Variants in CDH13 observed in about 807,000 individuals in gnomAD.
The protein encoded by CDH13 is cadherin-13.
Under a neutral mutation model 63.8 loss-of-function variants are expected in CDH13, and 24 were observed. The observed-to-expected ratio is 0.38, with a 90% CI of 0.27 to 0.53. CDH13 has a LOEUF of 0.53. CDH13 is among the 20% of genes least tolerant of loss of function. The pLI is 0.85. For missense variants in CDH13, 1,049 were observed against 903.1 expected (o/e 1.16, Z -2.07); for synonymous variants, 503 against 355.3 (o/e 1.42, Z -4.67).
At chr16:83,695,623 T>C (rs748521651) in intron 10 of CDH13, among the ~76,000 whole-genome samples, 7 of 152,144 alleles carry the variant, frequency 4.6e-5, no homozygotes, top group Non-Finnish European at 5.9e-5. Flanking sequence ...AACAAATAAC[T>C]AGAATATAAA....
intron 2 of CDH13, among the ~76,000 whole-genome samples, chr16:82,978,835 G>GA (rs1909875034): frequency 1.3e-5 from 2 of 152,156 alleles, no homozygotes; most frequent in East Asian, 3.9e-4. Flanking sequence ...GGAGCTGTGA[G>GA]AAGAGGGTCA....
Position 83,373,007 on chromosome 16 carries a change from G to A in CDH13, c.781+28001G>A, listed in dbSNP as rs190519867. 1.0e-3 allele frequency among the ~76,000 whole-genome samples: 156 copies of A among 152,234 alleles called. 3 individuals are homozygous for A. The South Asian group carries it at 0.024, about 23-fold the overall frequency. On this transcript the variant is annotated intron_variant, in intron 6 of 13. Coordinates refer to ENST00000567109, the MANE Select transcript of CDH13 (RefSeq NM_001257.5). ...AGTTTAGAAAGAATGCATTAAGATA[G>A]TTTTACCTAAATAGTTTATCGTCAT...
chr16:82,668,139 G>C (rs2150938338), intron 1 of CDH13, among the ~76,000 whole-genome samples: 1 of 152,228 alleles, frequency 6.6e-6, no homozygotes. Flanking sequence ...AGTTTACAAA[G>C]ACTTGCAGGA....
At chr16:82,810,521 C>T (rs945735554) in intron 1 of CDH13, among the ~76,000 whole-genome samples, 2 of 152,050 alleles carry the variant, frequency 1.3e-5, no homozygotes, top group African/African-American at 4.8e-5. Context: ...TGAGAGATGC[C>T]GAAAATGACA....
chr16:82,913,275 T>C (rs916806372), intron 2 of CDH13, among the ~76,000 whole-genome samples: 1 of 152,132 alleles, frequency 6.6e-6, no homozygotes, highest in East Asian at 1.9e-4. Context: ...AGGGAAACGT[T>C]CGATGCTGCG....
At chr16:83,301,093 A>G (rs1406829113) in intron 5 of CDH13, among the ~76,000 whole-genome samples, 1 of 118,974 alleles carries the variant, frequency 8.4e-6, no homozygotes, top group Non-Finnish European at 1.6e-5. Flanking sequence ...GTGCAGTGGC[A>G]CGATCTCAGC....
At chr16:83,457,358 C>T (rs1355247763) in intron 6 of CDH13, among the ~76,000 whole-genome samples, 1 of 152,134 alleles carries the variant, frequency 6.6e-6, no homozygotes, top group Non-Finnish European at 1.5e-5. Flanking sequence ...GGCAGCCAGG[C>T]AGGGTGGGCA....
At chr16:83,793,422 T>C (rs1415634411) in intron 13 of CDH13, among the ~76,000 whole-genome samples, 1 of 152,096 alleles carries the variant, frequency 6.6e-6, no homozygotes, top group Non-Finnish European at 1.5e-5. Flanking sequence ...CAGCTGGCCA[T>C]AAGGAGGAGC....
At chr16:82,674,186 T>C (rs1913625275) in intron 1 of CDH13, among the ~76,000 whole-genome samples, 1 of 152,178 alleles carries the variant, frequency 6.6e-6, no homozygotes, top group Non-Finnish European at 1.5e-5. Context: ...CAATAAATCT[T>C]CACCCCTTAA....
chr16:82,888,047 T>G (rs919718622), intron 2 of CDH13, among the ~76,000 whole-genome samples: 17 of 152,206 alleles, frequency 1.1e-4, no homozygotes, highest in Non-Finnish European at 2.2e-4. Flanking sequence ...GGTATTTACT[T>G]GCTCATCTTG....
At chr16:82,938,297 A>G (rs2042730544) in intron 2 of CDH13, among the ~76,000 whole-genome samples, 1 of 152,186 alleles carries the variant, frequency 6.6e-6, no homozygotes, top group East Asian at 1.9e-4. Context: ...AGGTGAATGC[A>G]CTCCTACAGA....
At chr16:82,719,488 A>G (rs1489239064) in intron 1 of CDH13, 1 of 454,820 alleles carries the variant, frequency 2.2e-6, no homozygotes, top group Non-Finnish European at 4.4e-6. Flanking sequence ...AAGTTACATG[A>G]GATGTGAAGG....
chr16:83,591,297 A>G (rs1409267432), intron 7 of CDH13, among the ~76,000 whole-genome samples: 1 of 152,216 alleles, frequency 6.6e-6, no homozygotes, highest in African/African-American at 2.4e-5. Context: ...GTCAGGGCCC[A>G]GGTCTAGAAA....
At chr16:83,232,711 C>T (rs888333103) in intron 5 of CDH13, among the ~76,000 whole-genome samples, 7 of 152,142 alleles carry the variant, frequency 4.6e-5, no homozygotes, top group African/African-American at 1.4e-4. Flanking sequence ...GCTTCCTATA[C>T]AGCCTGCAGA....
chr16:83,533,618 C>CTTTTTTT (rs11365656), intron 7 of CDH13, among the ~76,000 whole-genome samples: 1 of 116,104 alleles, frequency 8.6e-6, no homozygotes, highest in Non-Finnish European at 1.7e-5. Context: ...TTTACATTAT[C>CTTTTTTT]TTTTTTTTTT....
In CDH13 at chr16:83,043,830, C is replaced by CAA. The variant is rs11342221; in HGVS notation, c.366+11626_366+11627dup. ...CAACGGAGCAAGTGTGACTCTATCT[C>CAA]AAAAAAAAAAAAAAATCAATATGAA... On this transcript the variant is annotated intron_variant, in intron 3 of 13. Coordinates refer to ENST00000567109, the MANE Select transcript of CDH13 (RefSeq NM_001257.5). 2.4e-4 allele frequency among the ~76,000 whole-genome samples: 32 copies of CAA among 134,516 alleles called. 1 individual carries two copies. The highest frequency in any genetic ancestry group is 5.3e-4 in the African/African-American group (20 of 37,500). The allele number at this position is 134,516 out of a possible 152,430, so 88.2% of individuals were successfully genotyped here.
At chr16:83,227,612 A>C (rs192941773) in intron 5 of CDH13, among the ~76,000 whole-genome samples, 1 of 152,170 alleles carries the variant, frequency 6.6e-6, no homozygotes, top group Admixed American at 6.5e-5. Context: ...CAGATGCGTG[A>C]CTGCTCTGGA....
chr16:82,627,455 A>G (rs1907459319), intron 1 of CDH13, among the ~76,000 whole-genome samples: 1 of 151,394 alleles, frequency 6.6e-6, no homozygotes, highest in Non-Finnish European at 1.5e-5. Flanking sequence ...CGCCCACATC[A>G]AGTGGGGTAA....
intron 5 of CDH13, among the ~76,000 whole-genome samples, chr16:83,254,593 C>A (rs998281704): frequency 6.6e-6 from 1 of 152,126 alleles, no homozygotes; most frequent in African/African-American, 2.4e-5. Context: ...TTCTCTGATC[C>A]TTGTTTTTAT....
Sources: allele counts gnomAD v4.1 joint callset (sites outside exome capture counted in the v4.1 genomes callset), GRCh38; gene constraint gnomAD v4.1.1; transcripts MANE v1.5; gene names NCBI Gene and HGNC (gene_info 2026-07-23, HGNC 2026-07-21).